The following ACOXL variants were observed in gnomAD, a reference collection of about 807,000 sequenced individuals.
ACOXL encodes acyl-coenzyme A oxidase-like protein.
In ACOXL, 70 loss-of-function variants were observed where a neutral mutation model predicts 71.9. That is an observed-to-expected ratio of 0.97 (90% confidence interval 0.80 to 1.19). The LOEUF is 1.19. Ranked by LOEUF, ACOXL falls within the 50% of genes most tolerant of loss-of-function variation. The pLI is 0.00. For synonymous variants in ACOXL, 253 were observed against 281.6 expected (o/e 0.90, Z 1.02); for missense variants, 703 against 736.3 (o/e 0.95, Z 0.52).
At chr2:110,766,554 G>A (rs939710208) in intron 1 of ACOXL, among the ~76,000 whole-genome samples, 7 of 152,154 alleles carry the variant, frequency 4.6e-5, no homozygotes, top group African/African-American at 1.4e-4. Flanking sequence ...TGTTGTCACC[G>A]GTATGGGATG....
intron 12 of ACOXL, among the ~76,000 whole-genome samples, chr2:110,943,402 G>A (rs1330548235): frequency 1.3e-5 from 2 of 152,074 alleles, no homozygotes; most frequent in African/African-American, 4.8e-5. Flanking sequence ...CAATTGGGTG[G>A]ACCCAAATCC....
chr2:110,742,326 A>G (rs946602470), intron 1 of ACOXL, among the ~76,000 whole-genome samples: 2 of 152,220 alleles, frequency 1.3e-5, no homozygotes, highest in African/African-American at 2.4e-5. Flanking sequence ...GGCATTGTCA[A>G]CCTCTTAGAT....
chr2:110,887,290 C>T (rs1299065498), intron 10 of ACOXL: 4 of 157,186 alleles, frequency 2.5e-5, no homozygotes, highest in African/African-American at 9.6e-5. Context: ...TCCTCTGCAT[C>T]CCTTGGTCAT....
intron 10 of ACOXL, among the ~76,000 whole-genome samples, chr2:110,900,115 AC>A (rs2059172926): frequency 7.5e-6 from 1 of 133,402 alleles, no homozygotes; most frequent in Non-Finnish European, 1.7e-5. Context: ...ACACACACAC[AC>A]ACACACACAC....
At chr2:110,965,629 A>T (rs1026257527) in intron 12 of ACOXL, among the ~76,000 whole-genome samples, 1 of 152,202 alleles carries the variant, frequency 6.6e-6, no homozygotes, top group Admixed American at 6.5e-5. Context: ...TGTGATCATG[A>T]TTTGGAGTTC....
chr2:110,771,127 T>C (rs1297379687), intron 2 of ACOXL, among the ~76,000 whole-genome samples: 1 of 152,112 alleles, frequency 6.6e-6, no homozygotes, highest in African/African-American at 2.4e-5. Context: ...TTGGCACCTC[T>C]CTCTGTATGA....
chr2:110,840,501 G>C (rs1691028757), intron 9 of ACOXL, among the ~76,000 whole-genome samples: 1 of 152,168 alleles, frequency 6.6e-6, no homozygotes. Context: ...AATTCTGTGA[G>C]AAAGTAATAA....
chr2:110,944,195 C>G (rs977600820), intron 12 of ACOXL, among the ~76,000 whole-genome samples: 2 of 152,156 alleles, frequency 1.3e-5, no homozygotes, highest in African/African-American at 4.8e-5. Context: ...TCCCAAGTAG[C>G]TGGCACGTAC....
intron 11 of ACOXL, among the ~76,000 whole-genome samples, chr2:110,927,737 G>A (rs2060329651): frequency 6.6e-6 from 1 of 152,214 alleles, no homozygotes; most frequent in Admixed American, 6.5e-5. Context: ...ACACCTAGTA[G>A]CGTCTGGCTC....
intron 9 of ACOXL, among the ~76,000 whole-genome samples, chr2:110,839,100 C>T (rs979797212): frequency 6.6e-6 from 1 of 152,110 alleles, no homozygotes; most frequent in Non-Finnish European, 1.5e-5. Flanking sequence ...CCCCCTTTAA[C>T]CAGCACAGCT....
intron 16 of ACOXL, among the ~76,000 whole-genome samples, chr2:111,090,275 T>A (rs1223642277): frequency 6.6e-6 from 1 of 152,062 alleles, no homozygotes; most frequent in Admixed American, 6.5e-5. Flanking sequence ...GAGAAGTGGC[T>A]CCAGACACAA....
At chr2:111,065,484 A>C (rs1268691117) in intron 16 of ACOXL, among the ~76,000 whole-genome samples, 1 of 152,206 alleles carries the variant, frequency 6.6e-6, no homozygotes, top group Non-Finnish European at 1.5e-5. Flanking sequence ...TTCACACCCA[A>C]AGCGTGATTC....
intron 1 of ACOXL, among the ~76,000 whole-genome samples, chr2:110,740,403 G>C (rs775090502): frequency 9.9e-5 from 15 of 152,198 alleles, no homozygotes; most frequent in Non-Finnish European, 2.1e-4. Flanking sequence ...GAGTGGTGAG[G>C]TGGGCCCTGG....
chr2:110,858,337 A>T (rs1352473252), intron 10 of ACOXL, among the ~76,000 whole-genome samples: 1 of 151,974 alleles, frequency 6.6e-6, no homozygotes, highest in Non-Finnish European at 1.5e-5. Flanking sequence ...GGAACAGGGG[A>T]TCCTTCCTAC....
At chr2:110,890,153 A>G (rs924228446) in intron 10 of ACOXL, among the ~76,000 whole-genome samples, 2 of 152,042 alleles carry the variant, frequency 1.3e-5, no homozygotes, top group African/African-American at 4.8e-5. Flanking sequence ...AAATTTTGTT[A>G]TTGATCTTTT....
Position 110,805,298 on chromosome 2 carries a change from C to T in ACOXL, c.656C>T (p.Ser219Leu), listed in dbSNP as rs77331476. ...GSVAPDGQYHSPIRNKSARFN... is the reference protein window; with the variant it reads ...GSVAPDGQYHLPIRNKSARFN... ...GTGGCTCCAGATGGACAGTACCATT[C>T]GCCTATTAGGAACAAGAGTGCAAGA... The change falls in exon 9 of 18, where the codon TCG becomes TTG. Residue 219 changes from serine (S) to leucine (L), a missense_variant. Physicochemically the swap from Ser to Leu is moderately radical, Grantham distance 145 (BLOSUM62 -2). Coordinates refer to ENST00000439055, the MANE Select transcript of ACOXL (RefSeq NM_001142807.4). 0.031 allele frequency: 50,687 copies of T among 1,614,190 alleles called. 958 individuals carry two copies. Among genetic ancestry groups the T allele is most frequent in the Non-Finnish European group, 0.038 (45,024 of 1,180,020 alleles).
At chr2:111,007,471 A>G (rs1486171135) in intron 14 of ACOXL, among the ~76,000 whole-genome samples, 1 of 152,202 alleles carries the variant, frequency 6.6e-6, no homozygotes, top group Non-Finnish European at 1.5e-5. Context: ...TATTTATTTT[A>G]TGCTTTGGGT....
chr2:110,848,722 A>G (rs766855520), intron 10 of ACOXL, among the ~76,000 whole-genome samples: 10 of 151,902 alleles, frequency 6.6e-5, no homozygotes, highest in Non-Finnish European at 1.2e-4. Context: ...TGACCACGTG[A>G]CCATTTCCCA....
chr2:111,095,765 TAAGC>T (rs1418962081), intron 17 of ACOXL, among the ~76,000 whole-genome samples: 2 of 152,194 alleles, frequency 1.3e-5, no homozygotes, highest in Admixed American at 1.3e-4. Flanking sequence ...GCCTGGGAAA[TAAGC>T]AGGCAGGAGC....
Sources: gnomAD v4.1 joint callset for allele counts (sites outside exome capture counted in the v4.1 genomes callset) on GRCh38, gnomAD v4.1.1 for gene constraint, MANE v1.5 for transcripts, NCBI Gene and HGNC (gene_info 2026-07-23, HGNC 2026-07-21) for gene names.